Variants in KPNA2 observed in about 807,000 individuals in gnomAD.
KPNA2 encodes importin subunit alpha-1.
KPNA2 carries 20 observed loss-of-function variants against 53.7 expected under a neutral mutation model. That is an observed-to-expected ratio of 0.37 (90% CI 0.26 to 0.54). The LOEUF (loss-of-function observed/expected upper bound fraction) is 0.54. Among genes scored for constraint, KPNA2 ranks in the 20% least tolerant of loss-of-function variants. The pLI is 0.83. For synonymous variants in KPNA2, 238 were observed against 227.5 expected (o/e 1.05, Z -0.42); for missense variants, 515 against 640.3 (o/e 0.80, Z 2.11).
chr17:68,042,968 T>C lies in KPNA2; in HGVS notation c.635T>C (p.Leu212Pro). The change falls in exon 6 of 11, where the codon CTC (leucine) becomes CCC (proline). Residue 212 changes from leucine (L) to proline (P), a missense_variant. By Grantham distance (98) the Leu-to-Pro change is moderately conservative (BLOSUM62 -3). Coordinates refer to ENST00000330459, the MANE Select transcript of KPNA2 (RefSeq NM_002266.4). Reference sequence around the variant, plus strand: ...GGTGCAGTTGACCCACTGTTGGCTCTCCTTGCAGTTCCTGATATGTCATCT... The same window carrying C: ...GGTGCAGTTGACCCACTGTTGGCTCCCCTTGCAGTTCCTGATATGTCATCT... Reference protein sequence around the residue: ...KYGAVDPLLALLAVPDMSSLA... With the variant: ...KYGAVDPLLAPLAVPDMSSLA... The C allele has an allele frequency of 6.2e-7, 1 of 1,613,856 alleles. No homozygotes were observed. Among genetic ancestry groups the C allele is most frequent in the Non-Finnish European group, 8.5e-7 (1 of 1,179,818 alleles).
rs1568274416 is a variant in KPNA2, at chr17:68,037,140, C to T, written c.8C>T (p.Thr3Ile). 4 of 1,612,634 alleles carry T rather than the reference C, an allele frequency of 2.5e-6. No homozygotes were observed. Among genetic ancestry groups the T allele is most frequent in the Non-Finnish European group, 3.4e-6 (4 of 1,179,126 alleles). ...TCCCTTTGTCTCATAACCATGTCCA[C>T]CAACGAGAATGCTAATACACCAGCT... MSTNENANTPAAR... is the reference protein window; with the variant it reads MSINENANTPAAR... Residue 3 changes from threonine (T) to isoleucine (I), a missense_variant, in exon 2 of 11, where the codon ACC (threonine) becomes ATC (isoleucine). Thr to Ile is a moderately conservative substitution (Grantham distance 89, BLOSUM62 -1). Transcript: ENST00000330459.
intron 3 of KPNA2, among the ~76,000 whole-genome samples, chr17:68,037,799 C>CT (rs797028460): frequency 9.8e-4 from 140 of 142,492 alleles, no homozygotes; most frequent in East Asian, 1.2e-3. Flanking sequence ...TTTATTTCTT[C>CT]TTTTTTTTTT....
chr17:68,035,993 C>T (rs1015511338), intron 1 of KPNA2, 153 bp downstream of exon 1: 1 of 152,162 alleles, frequency 6.6e-6, no homozygotes, highest in African/African-American at 2.4e-5. Context: ...GTTCATTGAC[C>T]AGGCGGCTGA....
chr17:68,044,968 G>A (rs1280673417), intron 9 of KPNA2, among the ~76,000 whole-genome samples: 8 of 151,886 alleles, frequency 5.3e-5, no homozygotes, highest in South Asian at 4.1e-4. Context: ...GGTGGTGGGC[G>A]CCTATAATCC....
chr17:68,040,979 C>G (rs1171434074), intron 4 of KPNA2, among the ~76,000 whole-genome samples: 1 of 152,218 alleles, frequency 6.6e-6, no homozygotes, highest in African/African-American at 2.4e-5. Flanking sequence ...TGGGTTCAAG[C>G]AGTCCTCTGA....
chr17:68,045,882 G>A lies in KPNA2; in HGVS notation c.1458G>A (p.Lys486=), dbSNP rs782479237. ...LQNHENESVY[K]ASLSLIEKYF... ...ACCATGAAAATGAGTCTGTGTATAA[G>A]GCTTCGTTAAGCTTAATTGAGAAGT... The change falls in exon 10 of 11, where the codon AAG becomes AAA. Residue 486 remains lysine (K), a synonymous_variant. Coordinates refer to ENST00000330459, the MANE Select transcript of KPNA2 (RefSeq NM_002266.4). 2 of 1,600,484 alleles carry A rather than the reference G, an allele frequency of 1.2e-6. No individual in the cohort carries two copies. The highest frequency in any genetic ancestry group is 2.3e-5 in the South Asian group (2 of 88,804).
chr17:68,043,036 C>A (rs1555704843), intron 6 of KPNA2, 37 bp downstream of exon 6: 1 of 1,611,116 alleles, frequency 6.2e-7, no homozygotes, highest in Non-Finnish European at 8.5e-7. Flanking sequence ...CTCACTTCTT[C>A]ATTCTAATTT....
At position 68,043,006 on chromosome 17, in the gene KPNA2, T is replaced by TA; in HGVS notation, c.666+8dup. 6.2e-7 allele frequency: 1 copy of TA among 1,612,102 alleles called. No homozygotes were observed. The highest frequency in any genetic ancestry group is 1.3e-5 in the African/African-American group (1 of 74,974). On this transcript the variant is annotated splice_region_variant and intron_variant, in intron 6 of 10. Coordinates refer to ENST00000330459, the MANE Select transcript of KPNA2 (RefSeq NM_002266.4). ...TGATATGTCATCTTTAGCAGTAAGT[T>TA]ACTAACATGAGTAAAGTTACTCACT...
At position 68,044,364 on chromosome 17, in the gene KPNA2, A is replaced by G. The variant is rs1555705133; in HGVS notation, c.1208A>G (p.Asn403Ser). The change falls in exon 9 of 11, where the codon AAC (asparagine) becomes AGC (serine). Residue 403 changes from asparagine (N) to serine (S), a missense_variant. Transcript: ENST00000330459. ...TQKEAVWAVTNYTSGGTVEQI... is the reference protein window; with the variant it reads ...TQKEAVWAVTSYTSGGTVEQI... ...AAGGAAGCTGTGTGGGCCGTGACCAACTATACCAGTGGTGGAACAGTTGAA... is the reference window on the plus strand; with the variant it reads ...AAGGAAGCTGTGTGGGCCGTGACCAGCTATACCAGTGGTGGAACAGTTGAA... 1 of 1,614,156 alleles carries G rather than the reference A, an allele frequency of 6.2e-7. No homozygotes were observed. Among genetic ancestry groups the G allele is most frequent in the Non-Finnish European group, 8.5e-7 (1 of 1,179,988 alleles).
Position 68,042,906 on chromosome 17 carries a change from T to C in KPNA2, c.573T>C (p.Gly191=), listed in dbSNP as rs782014634. The change falls in exon 6 of 11, where the codon GGT becomes GGC. Residue 191 remains glycine, a splice_region_variant and synonymous_variant. Transcript: ENST00000330459. ...QAVWALGNIA[G]DGSVFRDLVI... ...AATTAATCTTGCCTTTTTTTTCAGG[T>C]GATGGCTCAGTGTTCCGAGACTTGG... The C allele has an allele frequency of 3.7e-6, 6 of 1,604,362 alleles. No individual in the cohort carries two copies. In the African/African-American group the frequency reaches 6.7e-5, roughly 18 times the overall value.
Position 68,042,915 on chromosome 17 carries a change from A to G in KPNA2, c.582A>G (p.Ser194=), listed in dbSNP as rs1476557022. ...TGCCTTTTTTTTCAGGTGATGGCTCAGTGTTCCGAGACTTGGTTATTAAGT... is the reference window on the plus strand; with the variant it reads ...TGCCTTTTTTTTCAGGTGATGGCTCGGTGTTCCGAGACTTGGTTATTAAGT... ...WALGNIAGDG[S]VFRDLVIKYG... Residue 194 remains serine (S), a synonymous_variant, in exon 6 of 11, where the codon TCA becomes TCG. Coordinates refer to ENST00000330459, the MANE Select transcript of KPNA2 (RefSeq NM_002266.4). The G allele has an allele frequency of 1.2e-6, 2 of 1,608,360 alleles. No homozygotes were observed. Among genetic ancestry groups the G allele is most frequent in the Admixed American group, 1.7e-5 (1 of 59,770 alleles).
At chr17:68,036,232 C>CG (rs1321928344) in intron 1 of KPNA2, 1 of 152,318 alleles carries the variant, frequency 6.6e-6, no homozygotes, top group South Asian at 2.1e-4. Flanking sequence ...ACCTAGGCCC[C>CG]GGGGGTGGCT....
intron 9 of KPNA2, 72 bp from the exon 10 acceptor site, chr17:68,045,700 A>C (rs1395838616): frequency 2.6e-6 from 3 of 1,151,782 alleles, no homozygotes; most frequent in Non-Finnish European, 3.6e-6. Flanking sequence ...CAATATTCAA[A>C]TTATTGATGT....
At chr17:68,041,321 T>A (rs1291924026) in intron 4 of KPNA2, among the ~76,000 whole-genome samples, 1 of 152,204 alleles carries the variant, frequency 6.6e-6, no homozygotes, top group East Asian at 1.9e-4. Context: ...CCCAGCACTT[T>A]GGGAGGCCAA....
chr17:68,039,396 C>T (rs540989270), intron 3 of KPNA2, among the ~76,000 whole-genome samples: 7 of 150,866 alleles, frequency 4.6e-5, no homozygotes, highest in East Asian at 2.0e-4. Flanking sequence ...GCTGGGATTA[C>T]AGGCGCGAGC....
chr17:68,041,120 G>A (rs2144213277), intron 4 of KPNA2, among the ~76,000 whole-genome samples: 1 of 152,306 alleles, frequency 6.6e-6, no homozygotes, highest in East Asian at 1.9e-4. Context: ...ATTGAGACAT[G>A]CATTTAGAAT....
At position 68,045,805 on chromosome 17, in the gene KPNA2, A is replaced by C; in HGVS notation, c.1381A>C (p.Ser461Arg). Residue 461 changes from serine (S) to arginine (R), a missense_variant, in exon 10 of 11, where the codon AGT becomes CGT. By Grantham distance (110) the Ser-to-Arg change is moderately radical. Transcript: ENST00000330459. ...AEKLGETEKL[S>R]IMIEECGGLD... ...GAAACTAGGTGAAACTGAGAAACTT[A>C]GTATAATGATTGAAGAATGTGGAGG... 1.3e-6 allele frequency: 2 copies of C among 1,594,350 alleles called. No individual in the cohort carries two copies. Among genetic ancestry groups the C allele is most frequent in the Middle Eastern group, 2.2e-4 (1 of 4,646 alleles).
chr17:68,038,201 T>G (rs1445633991), intron 3 of KPNA2, among the ~76,000 whole-genome samples: 3 of 152,168 alleles, frequency 2.0e-5, no homozygotes, highest in Admixed American at 6.5e-5. Context: ...GGTCTCGATC[T>G]CCTGACCTCG....
intron 4 of KPNA2, among the ~76,000 whole-genome samples, chr17:68,041,666 C>A (rs1291467554): frequency 9.2e-5 from 14 of 152,126 alleles, no homozygotes; most frequent in African/African-American, 3.1e-4. Context: ...GTCGAGGCTG[C>A]AGTGAGCTGT....
Sources: gnomAD v4.1 joint callset for allele counts (sites outside exome capture counted in the v4.1 genomes callset) on GRCh38, gnomAD v4.1.1 for gene constraint, MANE v1.5 for transcripts, NCBI Gene and HGNC (gene_info 2026-07-23, HGNC 2026-07-21) for gene names.